Variants in HDAC9 observed in about 807,000 individuals in gnomAD.
HDAC9 encodes the protein histone deacetylase 9, also known as MEF-2 interacting transcription repressor (MITR) protein.
HDAC9 carries 41 observed loss-of-function variants against 139.4 expected under a neutral mutation model. That is an observed-to-expected ratio of 0.29 (90% CI 0.23 to 0.38). The LOEUF (loss-of-function observed/expected upper bound fraction) is 0.38. Among genes scored for constraint, HDAC9 ranks in the 10% least tolerant of loss-of-function variants. HDAC9 has a pLI of 1.00. For missense variants in HDAC9, 1,147 were observed against 1,297.0 expected (o/e 0.88, Z 1.78); for synonymous variants, 517 against 476.2 (o/e 1.09, Z -1.12).
At chr7:18,900,172 T>C (rs560117607) in intron 22 of HDAC9, among the ~76,000 whole-genome samples, 1 of 152,172 alleles carries the variant, frequency 6.6e-6, no homozygotes, top group Middle Eastern at 3.2e-3. Flanking sequence ...ATTTCAAGTC[T>C]ACAAAAACAA....
At chr7:18,134,495 C>G (rs114187053) in intron 1 of HDAC9, among the ~76,000 whole-genome samples, 87 of 152,172 alleles carry the variant, frequency 5.7e-4, no homozygotes, top group African/African-American at 1.9e-3. Flanking sequence ...GAAATTCTCA[C>G]GCATGACTCT....
At chr7:18,607,574 G>A (rs1201996140) in intron 6 of HDAC9, among the ~76,000 whole-genome samples, 15 of 152,184 alleles carry the variant, frequency 9.9e-5, no homozygotes, top group Non-Finnish European at 2.1e-4. Context: ...TATGGCATTA[G>A]TGACAGGAAA....
chr7:18,173,930 G>T (rs539972049), intron 2 of HDAC9, among the ~76,000 whole-genome samples: 1 of 152,250 alleles, frequency 6.6e-6, no homozygotes, highest in East Asian at 1.9e-4. Flanking sequence ...TCTTGGGTTT[G>T]CTCTTCTCGA....
At chr7:18,138,661 A>T (rs1785647903) in intron 1 of HDAC9, among the ~76,000 whole-genome samples, 1 of 151,946 alleles carries the variant, frequency 6.6e-6, no homozygotes, top group African/African-American at 2.4e-5. Flanking sequence ...CCTTTCTAGG[A>T]ACTCCTTTGG....
chr7:18,329,076 C>T (rs1029598785), intron 1 of HDAC9, among the ~76,000 whole-genome samples: 1 of 151,676 alleles, frequency 6.6e-6, no homozygotes, highest in African/African-American at 2.4e-5. Context: ...TCTAGGTTAT[C>T]CTACTTGTTG....
chr7:18,107,664 T>C (rs532176927), intron 1 of HDAC9, among the ~76,000 whole-genome samples: 2 of 151,170 alleles, frequency 1.3e-5, no homozygotes, highest in African/African-American at 4.8e-5. Flanking sequence ...TAAAGTGGAT[T>C]TTAAACTGAC....
At chr7:18,632,041 G>A (rs1471573453) in intron 7 of HDAC9, among the ~76,000 whole-genome samples, 1 of 151,600 alleles carries the variant, frequency 6.6e-6, no homozygotes, top group Non-Finnish European at 1.5e-5. Flanking sequence ...GTTTAAGAAA[G>A]TAGTTTTTAA....
intron 24 of HDAC9, among the ~76,000 whole-genome samples, chr7:18,967,994 C>A (rs564382629): frequency 4.7e-4 from 71 of 151,796 alleles, no homozygotes; most frequent in Non-Finnish European, 7.9e-4. Flanking sequence ...GAAACCCGGT[C>A]TCTACTAAAA....
At chr7:18,244,962 C>T (rs1794421325) in intron 2 of HDAC9, among the ~76,000 whole-genome samples, 1 of 130,214 alleles carries the variant, frequency 7.7e-6, no homozygotes, top group African/African-American at 2.8e-5. Context: ...ATGGACATAA[C>T]ATATATATAC....
At chr7:18,270,935 T>C (rs973314995) in intron 2 of HDAC9, among the ~76,000 whole-genome samples, 1 of 152,192 alleles carries the variant, frequency 6.6e-6, no homozygotes, top group Non-Finnish European at 1.5e-5. Context: ...TATTCGATTC[T>C]GTGTAACATT....
chr7:18,499,779 A>G (rs947458200), intron 2 of HDAC9, among the ~76,000 whole-genome samples: 3 of 152,204 alleles, frequency 2.0e-5, no homozygotes, highest in Admixed American at 1.3e-4. Context: ...TTAGGGTATA[A>G]AAGAAAAACA....
intron 2 of HDAC9, among the ~76,000 whole-genome samples, chr7:18,266,616 A>G (rs981215135): frequency 3.3e-5 from 5 of 152,148 alleles, no homozygotes; most frequent in African/African-American, 1.2e-4. Context: ...CTGTTTCATC[A>G]AGAATATTAG....
At chr7:18,388,758 A>G (rs1786184963) in intron 1 of HDAC9, among the ~76,000 whole-genome samples, 1 of 152,180 alleles carries the variant, frequency 6.6e-6, no homozygotes, top group South Asian at 2.1e-4. Context: ...TCTTAGCTAC[A>G]ATACTATTTT....
intron 16 of HDAC9, among the ~76,000 whole-genome samples, chr7:18,785,430 A>C (rs1005439203): frequency 6.6e-6 from 1 of 152,070 alleles, no homozygotes; most frequent in African/African-American, 2.4e-5. Context: ...ACAACAAAAA[A>C]TGTCTCCAGA....
At chr7:18,885,925 T>C (rs2129262532) in intron 22 of HDAC9, among the ~76,000 whole-genome samples, 1 of 152,288 alleles carries the variant, frequency 6.6e-6, no homozygotes, top group South Asian at 2.1e-4. Flanking sequence ...GTCTCTTTGT[T>C]ATATTCTCAA....
chr7:18,248,112 A>G lies in HDAC9; in HGVS notation c.25+85763A>G, dbSNP rs1056417934. ...TTAAGTACATAAAAATGTATTATGTATAACTTATTAAATGTATTATGTATA... is the reference window on the plus strand; with the variant it reads ...TTAAGTACATAAAAATGTATTATGTGTAACTTATTAAATGTATTATGTATA... On this transcript the variant is annotated intron_variant, in intron 2 of 12. Coordinates refer to the HDAC9 transcript ENST00000417496. Among the ~76,000 whole-genome samples the G allele has an allele frequency of 5.9e-5, 9 of 152,218 alleles. No homozygotes were observed. In the South Asian group the frequency reaches 6.2e-4, roughly 10 times the overall value.
chr7:18,836,090 T>G (rs1796215874), intron 21 of HDAC9, 93 bp downstream of exon 21: 1 of 665,508 alleles, frequency 1.5e-6, no homozygotes, highest in Admixed American at 3.0e-5. Flanking sequence ...AAATGTCTAA[T>G]TAAGGTAAAT....
intron 1 of HDAC9, among the ~76,000 whole-genome samples, chr7:18,482,693 G>T (rs941614914): frequency 1.3e-5 from 2 of 151,756 alleles, no homozygotes; most frequent in African/African-American, 4.8e-5. Flanking sequence ...CATTTTTTTG[G>T]AATCACAGAG....
At chr7:18,394,394 C>T (rs1026078193) in intron 1 of HDAC9, among the ~76,000 whole-genome samples, 16 of 152,094 alleles carry the variant, frequency 1.1e-4, no homozygotes, top group Admixed American at 2.0e-4. Flanking sequence ...GCATCATTTT[C>T]CTACAATGCC....
Sources: gnomAD v4.1 joint callset for allele counts (sites outside exome capture counted in the v4.1 genomes callset) on GRCh38, gnomAD v4.1.1 for gene constraint, MANE v1.5 for transcripts, NCBI Gene and HGNC (gene_info 2026-07-23, HGNC 2026-07-21) for gene names.